Variants in ZIC1 observed in about 807,000 individuals in gnomAD.
ZIC1 encodes Zic family zinc finger 1, also known as zinc finger protein ZIC 1.
ZIC1 carries 4 observed loss-of-function variants against 30.9 expected under a neutral mutation model. The observed-to-expected ratio is 0.13, with a 90% CI of 0.06 to 0.30. The LOEUF (loss-of-function observed/expected upper bound fraction) is 0.30, where lower values mean the gene tolerates loss of function less well. Ranked by LOEUF, ZIC1 falls within the 10% of genes least tolerant of loss-of-function variation. ZIC1 has a pLI of 1.00. For missense variants in ZIC1, 441 were observed against 639.3 expected (o/e 0.69, Z 3.34); for synonymous variants, 305 against 277.5 (o/e 1.10, Z -0.98).
rs745710668 is a variant in ZIC1 at position 147,410,943 on chromosome 3, G to C, written c.831G>C (p.Pro277=). ...ACATCTGCTTCTGGGAGGAGTGTCC[G>C]CGCGAGGGCAAGCCCTTCAAAGCCA... ...SNHICFWEEC[P]REGKPFKAKY... is the part of the protein sequence containing the mutation. Residue 277 remains proline, a synonymous_variant, in exon 1 of 3, where the codon CCG becomes CCC. Transcript: ENST00000282928. 6 of 1,614,260 alleles carry C rather than the reference G, an allele frequency of 3.7e-6. No homozygotes were observed. In the South Asian group the frequency reaches 5.5e-5, roughly 15 times the overall value.
rs527947592 is a variant in ZIC1 at position 147,410,631 on chromosome 3, G to A, written c.519G>A (p.Pro173=). 337 of 1,613,514 alleles carry A rather than the reference G, an allele frequency of 2.1e-4. 6 individuals carry two copies. In the South Asian group the frequency reaches 3.2e-3, roughly 15 times the overall value. ...TCGGCTTCTCGGGGGACATGTACCC[G>A]CGACCGGAGCAGTACGGCCAGGTGA... ...MRLGFSGDMY[P]RPEQYGQVTS... Residue 173 remains proline, a synonymous_variant, in exon 1 of 3, where the codon CCG becomes CCA. Transcript: ENST00000282928.
Position 147,412,689 on chromosome 3 carries a change from C to G in ZIC1, c.1146+8C>G. 1 of 1,604,900 alleles carries G rather than the reference C, an allele frequency of 6.2e-7. No individual in the cohort carries two copies. The highest frequency in any genetic ancestry group is 8.5e-7 in the Non-Finnish European group (1 of 1,172,642). On this transcript the variant is annotated splice_region_variant and intron_variant, in intron 2 of 2. Coordinates refer to ENST00000282928, the MANE Select transcript of ZIC1 (RefSeq NM_003412.4). The stretch of plus-strand genomic sequence containing the variant: ...CTGCGCAAACACATGAAGGTAATCG[C>G]CGCACTCTCGTCGCCCCCTTTGAGG...
rs1010884663 is a variant in ZIC1, at chr3:147,413,652, C to A, written c.*101C>A. ...ACCCTGCGAATCAAAACAACCCCCA[C>A]ACAGACCCCGCAATCCTTTTTTAAA... On this transcript the variant is annotated 3_prime_UTR_variant, in exon 3 of 3. Coordinates refer to ENST00000282928, the MANE Select transcript of ZIC1 (RefSeq NM_003412.4). 4 of 1,345,630 alleles carry A rather than the reference C, an allele frequency of 3.0e-6. No individual in the cohort carries two copies. In the South Asian group the frequency reaches 6.0e-5, roughly 20 times the overall value. 83.4% of individuals were successfully genotyped at this position (1,345,630 alleles called of 1,614,324 possible). A position where few individuals can be genotyped will look rare whatever the true frequency, so the allele number is the denominator to read the frequency against.
At chr3:147,412,308 A>C (rs1311629969) in intron 1 of ZIC1, among the ~76,000 whole-genome samples, 1 of 152,152 alleles carries the variant, frequency 6.6e-6, no homozygotes, top group Non-Finnish European at 1.5e-5. Flanking sequence ...ATGTAGATCC[A>C]ATTGTATTAG....
Position 147,410,386 on chromosome 3 carries a change from G to A in ZIC1, c.274G>A (p.Ala92Thr), listed in dbSNP as rs372593091. 9.4e-6 allele frequency: 15 copies of A among 1,602,082 alleles called. No individual in the cohort carries two copies. In the African/African-American group the frequency reaches 1.7e-4, roughly 19 times the overall value. ...GGGCCACGTCGGCTCCTATTCCAGCGCAGCCTTCAACTCCACGCGGGACTT... is the reference window on the plus strand; with the variant it reads ...GGGCCACGTCGGCTCCTATTCCAGCACAGCCTTCAACTCCACGCGGGACTT... ...HPGHVGSYSS[A>T]AFNSTRDFLF... The change falls in exon 1 of 3, where the codon GCA (alanine) becomes ACA (threonine). Residue 92 changes from alanine (A) to threonine (T), a missense_variant. By Grantham distance (58) the Ala-to-Thr change is moderately conservative. This residue lies in a region of ZIC1 where 307 missense variants were observed against 355.3 expected (regional missense o/e 0.86). Coordinates refer to ENST00000282928, the MANE Select transcript of ZIC1 (RefSeq NM_003412.4).
Position 147,413,656 on chromosome 3 carries a change from G to A in ZIC1, c.*105G>A. 7.7e-7 allele frequency: 1 copy of A among 1,305,754 alleles called. No homozygotes were observed. The highest frequency in any genetic ancestry group is 1.5e-5 in the African/African-American group (1 of 66,540). The allele number at this position is 1,305,754 out of a possible 1,614,324, so 80.9% of individuals were successfully genotyped here. On this transcript the variant is annotated 3_prime_UTR_variant, in exon 3 of 3. Coordinates refer to ENST00000282928, the MANE Select transcript of ZIC1 (RefSeq NM_003412.4). ...TGCGAATCAAAACAACCCCCACACA[G>A]ACCCCGCAATCCTTTTTTAAAAAAT...
intron 2 of ZIC1, 91 bp from the exon 3 acceptor site, chr3:147,413,263 C>G: frequency 1.4e-6 from 2 of 1,425,896 alleles, no homozygotes; most frequent in Non-Finnish European, 1.9e-6. Flanking sequence ...TCCAAGGGGT[C>G]CAGGAGGAAG....
Position 147,413,715 on chromosome 3 carries a change from G to A in ZIC1, c.*164G>A, listed in dbSNP as rs4467417. On this transcript the variant is annotated 3_prime_UTR_variant, in exon 3 of 3. Coordinates refer to ENST00000282928, the MANE Select transcript of ZIC1 (RefSeq NM_003412.4). The stretch of plus-strand genomic sequence containing the variant: ...AGACCCAGGACGAGTAAGAGAGGAA[G>A]CATCAACCTTTTAAAAATTTCCTTT... 0.092 allele frequency: 65,230 copies of A among 705,414 alleles called. 3,560 individuals are homozygous for A. The highest frequency in any genetic ancestry group is 0.21 in the East Asian group (6,286 of 30,232). The allele number at this position is 705,414 out of a possible 1,614,324, so 43.7% of individuals were successfully genotyped here. A position where few individuals can be genotyped will look rare whatever the true frequency, so the allele number is the denominator to read the frequency against.
Position 147,410,127 on chromosome 3 carries a change from C to A in ZIC1, c.15C>A (p.Ala5=). Residue 5 remains alanine (A), a synonymous_variant, in exon 1 of 3, where the codon GCC becomes GCA. Coordinates refer to ENST00000282928, the MANE Select transcript of ZIC1 (RefSeq NM_003412.4). ...GAGCAGCCACGATGCTCCTGGACGC[C>A]GGCCCCCAGTACCCAGCGATCGGCG... MLLD[A]GPQYPAIGVT... The A allele has an allele frequency of 1.9e-6, 3 of 1,565,070 alleles. No individual in the cohort carries two copies. Among genetic ancestry groups the A allele is most frequent in the Non-Finnish European group, 2.6e-6 (3 of 1,163,744 alleles).
Position 147,410,991 on chromosome 3 carries a change from C to T in ZIC1, c.879C>T (p.Ile293=). ...CCAAATACAAACTGGTTAACCACAT[C>T]CGCGTGCACACGGGCGAGAAGCCCT... The part of the protein sequence containing the change: ...FKAKYKLVNH[I]RVHTGEKPFP... The change falls in exon 1 of 3, where the codon ATC becomes ATT. Residue 293 remains isoleucine, a synonymous_variant. Coordinates refer to ENST00000282928, the MANE Select transcript of ZIC1 (RefSeq NM_003412.4). The T allele has an allele frequency of 1.2e-6, 2 of 1,614,256 alleles. No individual in the cohort carries two copies. Among genetic ancestry groups the T allele is most frequent in the South Asian group, 2.2e-5 (2 of 91,090 alleles).
intron 2 of ZIC1, 86 bp downstream of exon 2, chr3:147,412,767 C>G (rs73004645): frequency 1.3e-6 from 2 of 1,516,546 alleles, no homozygotes; most frequent in Non-Finnish European, 1.8e-6. Flanking sequence ...GGCAGACAGG[C>G]GGTGGCGGGA....
At chr3:147,411,270 AACACACAC>A (rs3832180) in intron 1 of ZIC1, among the ~76,000 whole-genome samples, 176 bp downstream of exon 1, 1 of 151,370 alleles carries the variant, frequency 6.6e-6, no homozygotes, top group African/African-American at 2.4e-5. Flanking sequence ...AATTATGGAA[AACACACAC>A]ACACACACAG....
In ZIC1 at chr3:147,410,746, G is replaced by C. The variant is rs767021122; in HGVS notation, c.634G>C (p.Ala212Pro). The C allele has an allele frequency of 6.2e-7, 1 of 1,614,160 alleles. No individual in the cohort carries two copies. The highest frequency in any genetic ancestry group is 1.1e-5 in the South Asian group (1 of 91,078). ...CATGGCCGCGCATCACGGCGCCGGC[G>C]CCTTCTTCCGCTACATGCGCCAACC... The part of the protein sequence containing the change: ...VNMAAHHGAG[A>P]FFRYMRQPIK... The change falls in exon 1 of 3, where the codon GCC becomes CCC. Residue 212 changes from alanine (A) to proline (P), a missense_variant. By Grantham distance (27) the Ala-to-Pro change is conservative. This residue lies in a region of ZIC1 where 307 missense variants were observed against 355.3 expected (regional missense o/e 0.86). Coordinates refer to ENST00000282928, the MANE Select transcript of ZIC1 (RefSeq NM_003412.4).
chr3:147,410,819 C>T lies in ZIC1; in HGVS notation c.707C>T (p.Ala236Val), dbSNP rs886721299. The T allele has an allele frequency of 6.2e-7, 1 of 1,614,134 alleles. No homozygotes were observed. The highest frequency in any genetic ancestry group is 8.5e-7 in the Non-Finnish European group (1 of 1,180,056). Residue 236 changes from alanine (A) to valine (V), a missense_variant, in exon 1 of 3, where the codon GCC becomes GTC. Transcript: ENST00000282928. The part of the protein sequence containing the change: ...ICKWIEPEQL[A>V]NPKKSCNKTF... The stretch of plus-strand genomic sequence containing the variant: ...AAGTGGATCGAGCCCGAGCAGCTGG[C>T]CAACCCCAAAAAGTCGTGCAACAAA...
chr3:147,411,779 T>G (rs2087381442), intron 1 of ZIC1, among the ~76,000 whole-genome samples: 1 of 151,950 alleles, frequency 6.6e-6, no homozygotes, highest in South Asian at 2.1e-4. Flanking sequence ...AAACACCAGA[T>G]TCCCCTCTTT....
Position 147,414,125 on chromosome 3 carries a change from C to G in ZIC1, c.*574C>G, listed in dbSNP as rs2087411317. The G allele has an allele frequency of 6.6e-6, 1 of 152,222 alleles. No homozygotes were observed. Among genetic ancestry groups the G allele is most frequent in the African/African-American group, 2.4e-5 (1 of 41,320 alleles). The allele number at this position is 152,222 out of a possible 1,614,324, so 9.4% of individuals were successfully genotyped here. A position where few individuals can be genotyped will look rare whatever the true frequency, so the allele number is the denominator to read the frequency against. On this transcript the variant is annotated 3_prime_UTR_variant, in exon 3 of 3. Transcript: ENST00000282928. ...CAAGAATGTTCTAGTAAATGTGTAC[C>G]AAAATGTGAATTACTTTGTACGATT...
intron 2 of ZIC1, among the ~76,000 whole-genome samples, chr3:147,413,021 T>TG (rs1284032032): frequency 6.6e-6 from 1 of 152,224 alleles, no homozygotes; most frequent in East Asian, 1.9e-4. Flanking sequence ...ACGCAAGAAT[T>TG]GGACTCCTGC....
chr3:147,413,240 G>A, intron 2 of ZIC1, 114 bp from the exon 3 acceptor site: 6 of 1,134,566 alleles, frequency 5.3e-6, no homozygotes, highest in African/African-American at 1.6e-5. Flanking sequence ...GGCCTCACCT[G>A]TGTTCAGGGG....
chr3:147,413,703 G>C lies in ZIC1; in HGVS notation c.*152G>C. ...AAATCTGCCAATAGACCCAGGACGA[G>C]TAAGAGAGGAAGCATCAACCTTTTA... On this transcript the variant is annotated 3_prime_UTR_variant, in exon 3 of 3. Transcript: ENST00000282928. The C allele has an allele frequency of 1.2e-6, 1 of 819,034 alleles. No individual in the cohort carries two copies. Among genetic ancestry groups the C allele is most frequent in the Non-Finnish European group, 1.8e-6 (1 of 566,556 alleles). The allele number at this position is 819,034 out of a possible 1,614,324, so 50.7% of individuals were successfully genotyped here. A position where few individuals can be genotyped will look rare whatever the true frequency, so the allele number is the denominator to read the frequency against.
Sources: gnomAD v4.1 joint callset for allele counts (sites outside exome capture counted in the v4.1 genomes callset) on GRCh38, gnomAD v4.1.1 for gene constraint, gnomAD v4.1.1 regional missense constraint, MANE v1.5 for transcripts, NCBI Gene and HGNC (gene_info 2026-07-23, HGNC 2026-07-21) for gene names.